Variants in SLC52A3 observed in about 807,000 individuals in gnomAD.
The protein encoded by SLC52A3 is solute carrier family 52, riboflavin transporter, member 3.
In SLC52A3, 20 loss-of-function variants were observed where a neutral mutation model predicts 29.5. The observed-to-expected ratio is 0.68, with a 90% confidence interval of 0.48 to 0.99. SLC52A3 has a LOEUF of 0.99. Ranked by LOEUF, SLC52A3 falls within the 50% of genes least tolerant of loss-of-function variation. The pLI is 0.00. For missense variants in SLC52A3, 548 were observed against 612.9 expected, an observed-to-expected ratio of 0.89 and a Z score of 1.12; for synonymous variants, 301 against 271.0, an observed-to-expected ratio of 1.11 and a Z score of -1.09.
At chr20:769,430 G>A (rs1986782524), upstream of SLC52A3, among the ~76,000 whole-genome samples, 1 of 152,180 alleles carries the variant, frequency 6.6e-6, no homozygotes, top group Admixed American at 6.5e-5. Context: ...CTAACCTCCT[G>A]TGCTTCAGAG....
At chr20:763,162 C>G (rs1320267801) in intron 3 of SLC52A3, among the ~76,000 whole-genome samples, 1 of 152,242 alleles carries the variant, frequency 6.6e-6, no homozygotes, top group Non-Finnish European at 1.5e-5. Context: ...TCCTCATGGA[C>G]TGATGACAAT....
intron 4 of SLC52A3, 45 bp from the exon 5 acceptor site, chr20:761,283 G>A: frequency 6.6e-7 from 1 of 1,512,130 alleles, no homozygotes; most frequent in Admixed American, 2.0e-5. Flanking sequence ...GGGGCTTGCG[G>A]GGCGAGCGCC....
rs1986412532 is a variant in SLC52A3 at position 760,338 on chromosome 20, AG to A, written c.*687del. 1 of 152,242 alleles carries A rather than the reference AG, an allele frequency of 6.6e-6. No individual in the cohort carries two copies. The highest frequency in any genetic ancestry group is 1.5e-5 in the Non-Finnish European group (1 of 68,106). 9.4% of individuals were successfully genotyped at this position (152,242 alleles called of 1,614,324 possible). On this transcript the variant is annotated 3_prime_UTR_variant, in exon 5 of 5. Transcript: ENST00000645534. The surrounding 1 kb of genome is among the most constrained non-coding windows in gnomAD (Gnocchi z 4.9). ...TTATGGGCCAGGAAGGATGACAGGA[AG>A]GGGTGTGTGGGGTACTACGTCCCTC...
chr20:774,116 C>T (rs567706078), intron 1 of SLC52A3, among the ~76,000 whole-genome samples: 15 of 152,198 alleles, frequency 9.9e-5, no homozygotes, highest in Non-Finnish European at 1.9e-4. Context: ...TGGCTTGCCA[C>T]GGGCTGGGCC....
chr20:776,059 T>G (rs1306123034), upstream of SLC52A3: 1 of 152,192 alleles, frequency 6.6e-6, no homozygotes, highest in East Asian at 1.9e-4. Flanking sequence ...AGGCGGAGGG[T>G]GGGTGTGGCT....
chr20:777,272 C>CAAACAAAA (rs1555785013), upstream of SLC52A3, among the ~76,000 whole-genome samples: 1 of 147,928 alleles, frequency 6.8e-6, no homozygotes, highest in African/African-American at 2.5e-5. Flanking sequence ...AAACAAAAAA[C>CAAACAAAA]AAAAAAAAAA....
At chr20:764,228 G>C (rs1281332116) in intron 2 of SLC52A3, among the ~76,000 whole-genome samples, 1 of 152,176 alleles carries the variant, frequency 6.6e-6, no homozygotes, top group Non-Finnish European at 1.5e-5. Flanking sequence ...GCTGCACAGT[G>C]GGCACCATCA....
upstream of SLC52A3, among the ~76,000 whole-genome samples, chr20:770,033 CTT>C (rs1986802374): frequency 6.6e-6 from 1 of 152,162 alleles, no homozygotes; most frequent in Admixed American, 6.5e-5. This position sits in a 1 kb window ranked among gnomAD's most constrained non-coding sequence, Gnocchi z 4.5. Context: ...TCAAATGCGA[CTT>C]TGAGTAGTCT....
At chr20:778,979 G>T (rs558826124), upstream of SLC52A3, among the ~76,000 whole-genome samples, 1 of 152,100 alleles carries the variant, frequency 6.6e-6, no homozygotes. Context: ...ATCTTTGCTT[G>T]TATAATTTTT....
chr20:763,920 G>T lies in SLC52A3; in HGVS notation c.651C>A (p.His217Gln). The change falls in exon 3 of 5, where the codon CAC becomes CAA. Residue 217 changes from histidine (H) to glutamine (Q), a missense_variant. By Grantham distance (24) the His-to-Gln change is conservative. Coordinates refer to ENST00000645534, the MANE Select transcript of SLC52A3 (RefSeq NM_033409.4). Reference sequence around the variant, plus strand: ...GGAGGAAGAAGACCAGGGGTGAGAAGTGGGCGGGAAGGTAGCGGCTCTCCA... The same window carrying T: ...GGAGGAAGAAGACCAGGGGTGAGAATTGGGCGGGAAGGTAGCGGCTCTCCA... ...SHLESRYLPA[H>Q]FSPLVFFLLL... 1.9e-6 allele frequency: 3 copies of T among 1,614,076 alleles called. No individual in the cohort carries two copies. The highest frequency in any genetic ancestry group is 2.5e-6 in the Non-Finnish European group (3 of 1,179,968).
chr20:775,368 T>C (rs534600027), intron 1 of SLC52A3, among the ~76,000 whole-genome samples: 2 of 151,562 alleles, frequency 1.3e-5, no homozygotes, highest in Admixed American at 1.3e-4. Flanking sequence ...TCAACCTTCC[T>C]GGCTCATGCG....
At chr20:767,564 C>G (rs1240768965) in intron 1 of SLC52A3, among the ~76,000 whole-genome samples, 1 of 152,064 alleles carries the variant, frequency 6.6e-6, no homozygotes, top group African/African-American at 2.4e-5. Context: ...TCCGTGTTAG[C>G]CAGGATGGTC....
At chr20:771,462 T>C (rs1311432714), upstream of SLC52A3, among the ~76,000 whole-genome samples, 1 of 152,004 alleles carries the variant, frequency 6.6e-6, no homozygotes, top group Non-Finnish European at 1.5e-5. Context: ...CAAAAACTAC[T>C]CCATACTAAG....
At position 764,018 on chromosome 20, in the gene SLC52A3, A is replaced by ACAGGTCAAT. The variant is rs3833341; in HGVS notation, c.568-16_568-15insATTGACCTG. On this transcript the variant is annotated splice_polypyrimidine_tract_variant and intron_variant, in intron 2 of 4. Transcript: ENST00000645534. ...CTGGGAACTCCCTGCAAAGGACAAG[A>ACAGGTCAAT]CAGATCCCTGGTCAGGGGAGGGGAT... 0.57 allele frequency: 875,382 copies of ACAGGTCAAT among 1,548,112 alleles called. 250,805 individuals carry two copies. The highest frequency in any genetic ancestry group is 0.59 in the Middle Eastern group (3,173 of 5,378).
upstream of SLC52A3, among the ~76,000 whole-genome samples, chr20:776,524 C>T (rs1159547089): frequency 6.6e-6 from 1 of 151,990 alleles, no homozygotes; most frequent in Non-Finnish European, 1.5e-5. Flanking sequence ...AGAAACAGGC[C>T]CAGAGAAGTC....
At chr20:763,054 G>A (rs1390597117) in intron 3 of SLC52A3, among the ~76,000 whole-genome samples, 2 of 152,242 alleles carry the variant, frequency 1.3e-5, no homozygotes, top group Admixed American at 1.3e-4. Context: ...GAGGCAGGAA[G>A]GCAGGGCCGA....
Position 763,862 on chromosome 20 carries a change from C to A in SLC52A3, c.709G>T (p.Ala237Ser). ...GGTTGACGCTGGAGGACAAAGAACG[C>A]CACGAGGCAGCAGGCCATCATGATG... ...LSIMMACCLV[A>S]FFVLQRQPRC... Residue 237 changes from alanine (A) to serine (S), a missense_variant, in exon 3 of 5, where the codon GCG becomes TCG. Transcript: ENST00000645534. 1 of 1,614,114 alleles carries A rather than the reference C, an allele frequency of 6.2e-7. No individual in the cohort carries two copies. Among genetic ancestry groups the A allele is most frequent in the Non-Finnish European group, 8.5e-7 (1 of 1,180,006 alleles).
chr20:764,956 T>A (rs1179024618), intron 2 of SLC52A3, among the ~76,000 whole-genome samples: 2 of 152,244 alleles, frequency 1.3e-5, no homozygotes, highest in African/African-American at 4.8e-5. Flanking sequence ...CAAGCCCCTA[T>A]TCCCTTTTGT....
At chr20:762,013 A>C (rs1417734470) in intron 3 of SLC52A3, among the ~76,000 whole-genome samples, 189 bp from the exon 4 acceptor site, 1 of 152,220 alleles carries the variant, frequency 6.6e-6, no homozygotes, top group Non-Finnish European at 1.5e-5. Flanking sequence ...AGTCATCCCC[A>C]GCATTAACGG....
Sources: gnomAD v4.1 joint callset for allele counts (sites outside exome capture counted in the v4.1 genomes callset) on GRCh38, gnomAD v4.1.1 for gene constraint, Gnocchi (gnomAD v3.1) non-coding constraint, MANE v1.5 for transcripts, NCBI Gene and HGNC (gene_info 2026-07-23, HGNC 2026-07-21) for gene names.